Variants in RFX4 observed in about 807,000 individuals in gnomAD.
The protein encoded by RFX4 is regulatory factor X4.
In RFX4, 10 loss-of-function variants were observed where a neutral mutation model predicts 95.0. The observed-to-expected ratio is 0.11, with a 90% CI of 0.06 to 0.18. RFX4 has a LOEUF of 0.18. Among genes scored for constraint, RFX4 ranks in the 10% least tolerant of loss-of-function variants. RFX4 has a pLI of 1.00. For missense variants in RFX4, 640 were observed against 922.0 expected, an observed-to-expected ratio of 0.69 and a Z score of 3.96; for synonymous variants, 321 against 340.7, an observed-to-expected ratio of 0.94 and a Z score of 0.64.
At chr12:106,743,129 A>G (rs1022354459) in intron 15 of RFX4, among the ~76,000 whole-genome samples, 1 of 152,062 alleles carries the variant, frequency 6.6e-6, no homozygotes, top group Non-Finnish European at 1.5e-5. Flanking sequence ...CTCAACTATC[A>G]GGGGCTTCCA....
At chr12:106,664,473 A>C (rs1256801678) in intron 4 of RFX4, among the ~76,000 whole-genome samples, 1 of 151,738 alleles carries the variant, frequency 6.6e-6, no homozygotes, top group African/African-American at 2.4e-5. Context: ...CTAGAGGCCT[A>C]TCAATTTTAG....
chr12:106,648,670 G>A (rs1217771103), intron 3 of RFX4, among the ~76,000 whole-genome samples: 1 of 105,066 alleles, frequency 9.5e-6, no homozygotes, highest in Non-Finnish European at 1.9e-5. Context: ...AAAAGTTTCT[G>A]TTCTTGACAT....
intron 17 of RFX4, among the ~76,000 whole-genome samples, chr12:106,757,495 C>CT (rs1386495929): frequency 3.4e-5 from 5 of 149,244 alleles, no homozygotes; most frequent in Non-Finnish European, 5.9e-5. Flanking sequence ...TTGGAGTGAG[C>CT]TGAAATCACC....
intron 17 of RFX4, among the ~76,000 whole-genome samples, chr12:106,756,271 G>C (rs1318176888): frequency 6.6e-6 from 1 of 152,170 alleles, no homozygotes; most frequent in African/African-American, 2.4e-5. Flanking sequence ...ACCAGACCAA[G>C]TACATAGCTA....
At chr12:106,609,110 A>G (rs1469760725) in intron 2 of RFX4, among the ~76,000 whole-genome samples, 2 of 152,200 alleles carry the variant, frequency 1.3e-5, no homozygotes, top group South Asian at 2.1e-4. Flanking sequence ...TGCTGTTTAC[A>G]TACTCATCTT....
intron 11 of RFX4, among the ~76,000 whole-genome samples, chr12:106,717,297 A>G (rs1481265582): frequency 6.6e-6 from 1 of 152,228 alleles, no homozygotes; most frequent in African/African-American, 2.4e-5. Context: ...TCTTCCTAGC[A>G]GTGTTAGACT....
At chr12:106,734,685 A>G (rs2042677702) in intron 15 of RFX4, among the ~76,000 whole-genome samples, 1 of 152,206 alleles carries the variant, frequency 6.6e-6, no homozygotes, top group South Asian at 2.1e-4. Flanking sequence ...AAGGAGGAAC[A>G]ACAAACTTAA....
chr12:106,724,554 AG>A (rs1832751140), intron 13 of RFX4, among the ~76,000 whole-genome samples: 1 of 152,236 alleles, frequency 6.6e-6, no homozygotes, highest in Non-Finnish European at 1.5e-5. Flanking sequence ...GACTGTCATG[AG>A]CAGTAAGAGA....
intron 2 of RFX4, among the ~76,000 whole-genome samples, chr12:106,618,198 G>A (rs899771488): frequency 3.3e-5 from 5 of 151,454 alleles, no homozygotes; most frequent in Non-Finnish European, 5.9e-5. Flanking sequence ...ATATACATAT[G>A]TATATAGATT....
At chr12:106,695,885 G>T (rs2137448400) in intron 7 of RFX4, among the ~76,000 whole-genome samples, 1 of 152,282 alleles carries the variant, frequency 6.6e-6, no homozygotes, top group Non-Finnish European at 1.5e-5. Flanking sequence ...AGGGGCCCCT[G>T]AGGTTCAGTG....
intron 15 of RFX4, among the ~76,000 whole-genome samples, chr12:106,746,902 C>T (rs940931771): frequency 1.3e-5 from 2 of 152,092 alleles, no homozygotes; most frequent in African/African-American, 4.8e-5. Flanking sequence ...CCTTTTCTCC[C>T]TTCTAAAATT....
chr12:106,729,284 A>G (rs2042564546), intron 13 of RFX4, among the ~76,000 whole-genome samples: 1 of 152,160 alleles, frequency 6.6e-6, no homozygotes. Flanking sequence ...TTCATTTTGG[A>G]GACCCTTTCC....
chr12:106,752,717 C>G (rs913223250), intron 17 of RFX4, among the ~76,000 whole-genome samples: 1 of 152,192 alleles, frequency 6.6e-6, no homozygotes, highest in African/African-American at 2.4e-5. Flanking sequence ...GAAATGGATC[C>G]CTTTTCAAAT....
At position 106,720,639 on chromosome 12, in the gene RFX4, G is replaced by A; in HGVS notation, c.1234-120G>A. On this transcript the variant is annotated intron_variant, in intron 12 of 17. Transcript: ENST00000392842. The surrounding 1 kb of genome is among the most constrained non-coding windows in gnomAD (Gnocchi z 4.2). ...GCTCATGCGATCATCCGCCCACCTT[G>A]GCCTCCCAAAGTGCTGGGATTACAG... The A allele has an allele frequency of 1.1e-6, 1 of 899,708 alleles. No homozygotes were observed. The highest frequency in any genetic ancestry group is 1.8e-6 in the Non-Finnish European group (1 of 553,358). The allele number at this position is 899,708 out of a possible 1,614,324, so 55.7% of individuals were successfully genotyped here. A position where few individuals can be genotyped will look rare whatever the true frequency, so the allele number is the denominator to read the frequency against.
chr12:106,644,707 G>T (rs958370048), intron 3 of RFX4, among the ~76,000 whole-genome samples: 1 of 152,162 alleles, frequency 6.6e-6, no homozygotes, highest in African/African-American at 2.4e-5. Flanking sequence ...TGATGGGATT[G>T]CAAAATTACC....
Position 106,732,940 on chromosome 12 carries a change from G to T in RFX4, c.1488G>T (p.Glu496Asp). The change falls in exon 15 of 18, where the codon GAG becomes GAT. Residue 496 changes from glutamate to aspartate, a missense_variant. Coordinates refer to ENST00000392842, the MANE Select transcript of RFX4 (RefSeq NM_213594.3). ...GEGSTAEVRE[E>D]IILTEAAAPT... ...TATCCACAGCAGAAGTCCGAGAAGA[G>T]ATCATCTTGACAGAGGCTGCCGCAC... The T allele has an allele frequency of 6.2e-7, 1 of 1,614,072 alleles. No homozygotes were observed.
chr12:106,603,120 T>A (rs1565946348), intron 1 of RFX4, among the ~76,000 whole-genome samples: 2 of 152,178 alleles, frequency 1.3e-5, no homozygotes, highest in African/African-American at 2.4e-5. Context: ...GCAGGGATAA[T>A]CTAAGAGGTT....
chr12:106,631,194 A>G (rs920675427), intron 2 of RFX4, among the ~76,000 whole-genome samples: 1 of 152,242 alleles, frequency 6.6e-6, no homozygotes, highest in African/African-American at 2.4e-5. Context: ...GCCTGGCACA[A>G]TATGAGTCCT....
intron 15 of RFX4, among the ~76,000 whole-genome samples, chr12:106,737,842 C>T (rs1371936765): frequency 1.3e-5 from 2 of 152,102 alleles, no homozygotes; most frequent in East Asian, 1.9e-4. Flanking sequence ...TTGAGATCGC[C>T]GTATTTGTTT....
Sources: allele counts gnomAD v4.1 joint callset (sites outside exome capture counted in the v4.1 genomes callset), GRCh38; gene constraint gnomAD v4.1.1; non-coding constraint Gnocchi (gnomAD v3.1); transcripts MANE v1.5; gene names NCBI Gene and HGNC (gene_info 2026-07-23, HGNC 2026-07-21).